DGKI: variants seen among roughly 807,000 people sequenced by gnomAD.
The protein encoded by DGKI is DAG kinase iota.
Under a neutral mutation model 147.5 loss-of-function variants are expected in DGKI, and 55 were observed. That is an observed-to-expected ratio of 0.37 (90% CI 0.30 to 0.47). The LOEUF is 0.47. DGKI is among the 20% of genes least tolerant of loss of function. The pLI is 1.00. For synonymous variants in DGKI, 469 were observed against 477.1 expected (o/e 0.98, Z 0.22); for missense variants, 1,007 against 1,323.8 (o/e 0.76, Z 3.71).
At chr7:137,580,282 G>C (rs1044783163) in intron 15 of DGKI, among the ~76,000 whole-genome samples, 1 of 152,048 alleles carries the variant, frequency 6.6e-6, no homozygotes. Context: ...AAAAAATGGG[G>C]TAAGAAATGA....
rs894950578 is a variant in DGKI at position 137,663,805 on chromosome 7, C to T, written c.607-7265G>A. 9.9e-5 allele frequency among the ~76,000 whole-genome samples: 15 copies of T among 152,022 alleles called. No homozygotes were observed. In the South Asian group the frequency reaches 1.5e-3, roughly 15 times the overall value. ...GAGATTTCTCTGTGTGTTTCCATGC[C>T]GCTATATTCCAGCACTGAGAACCAA... is the stretch of plus-strand genomic sequence containing the variant. On this transcript the variant is annotated intron_variant, in intron 3 of 32. Transcript: ENST00000614521.
At chr7:137,606,719 C>A (rs578246136) in intron 10 of DGKI, among the ~76,000 whole-genome samples, 1 of 152,306 alleles carries the variant, frequency 6.6e-6, no homozygotes, top group African/African-American at 2.4e-5. Context: ...AATCCAAAGT[C>A]TTCAACCTGA....
chr7:137,638,621 C>T (rs28603140), intron 6 of DGKI, among the ~76,000 whole-genome samples: 67 of 758 alleles, frequency 0.088, 5 homozygotes, highest in African/African-American at 0.14. Flanking sequence ...TACACACACA[C>T]ATATATATGT....
At chr7:137,831,497 A>T (rs2117071918) in intron 1 of DGKI, among the ~76,000 whole-genome samples, 1 of 152,344 alleles carries the variant, frequency 6.6e-6, no homozygotes, top group East Asian at 1.9e-4. Flanking sequence ...ACTCCCCCTT[A>T]TAAAACCATC....
At chr7:137,627,406 T>C (rs1032909442) in intron 6 of DGKI, among the ~76,000 whole-genome samples, 2 of 152,250 alleles carry the variant, frequency 1.3e-5, no homozygotes, top group African/African-American at 4.8e-5. Context: ...TTGAACATCA[T>C]AGGCATGCCA....
At chr7:137,607,781 G>A (rs1820231869) in intron 10 of DGKI, among the ~76,000 whole-genome samples, 1 of 152,030 alleles carries the variant, frequency 6.6e-6, no homozygotes, top group African/African-American at 2.4e-5. Context: ...CCATGTCTAG[G>A]TCCTCCTCTA....
chr7:137,586,518 A>G (rs1819404701), intron 13 of DGKI, among the ~76,000 whole-genome samples: 2 of 152,114 alleles, frequency 1.3e-5, no homozygotes, highest in Admixed American at 1.3e-4. Flanking sequence ...CCTTCTTACT[A>G]TCTTAGTACT....
At chr7:137,544,124 G>A (rs910281472) in intron 20 of DGKI, among the ~76,000 whole-genome samples, 6 of 152,110 alleles carry the variant, frequency 3.9e-5, no homozygotes, top group Non-Finnish European at 8.8e-5. Flanking sequence ...TTACTTTACT[G>A]TATGTAGCAC....
intron 21 of DGKI, among the ~76,000 whole-genome samples, chr7:137,514,219 G>C (rs182080897): frequency 9.9e-5 from 15 of 151,876 alleles, no homozygotes; most frequent in Non-Finnish European, 2.2e-4. Flanking sequence ...CACCTCTTCC[G>C]CGGTTTTAGC....
rs1420999328 is a variant in DGKI at position 137,472,359 on chromosome 7, TATAC to T, written c.2374-2744_2374-2741del. On this transcript the variant is annotated intron_variant, in intron 23 of 32. Coordinates refer to ENST00000614521, the MANE Select transcript of DGKI (RefSeq NM_001321708.2). ...TATACATATAATTATTATATGTATATATACATATAATTATTATATGTATATATAC... is the reference window on the plus strand; with the variant it reads ...TATACATATAATTATTATATGTATATATATAATTATTATATGTATATATAC... Among the ~76,000 whole-genome samples, 28 of 118,862 alleles carry T rather than the reference TATAC, an allele frequency of 2.4e-4. 4 individuals are homozygous for T. The highest frequency in any genetic ancestry group is 1.0e-3 in the African/African-American group (26 of 26,000). The allele number at this position is 118,862 out of a possible 152,430, so 78.0% of individuals were successfully genotyped here.
chr7:137,505,686 T>C (rs549684753), intron 21 of DGKI, among the ~76,000 whole-genome samples: 1 of 123,372 alleles, frequency 8.1e-6, no homozygotes, highest in East Asian at 2.4e-4. Flanking sequence ...TCTAGGAGCC[T>C]ACAACAAAGA....
chr7:137,666,048 T>C (rs953262155), intron 3 of DGKI, among the ~76,000 whole-genome samples: 1 of 152,230 alleles, frequency 6.6e-6, no homozygotes, highest in African/African-American at 2.4e-5. Flanking sequence ...AGCACTGGAT[T>C]AAGTTTGGTA....
At chr7:137,619,791 C>T (rs1202763068) in intron 8 of DGKI, 33 bp downstream of exon 8, 2 of 1,545,230 alleles carry the variant, frequency 1.3e-6, no homozygotes, top group South Asian at 1.1e-5. Flanking sequence ...TTTCTCTGCA[C>T]TGGCCCAGCA....
At chr7:137,594,133 A>G (rs1400257368) in intron 12 of DGKI, among the ~76,000 whole-genome samples, 1 of 152,144 alleles carries the variant, frequency 6.6e-6, no homozygotes, top group Non-Finnish European at 1.5e-5. Flanking sequence ...TGCCACCTCC[A>G]CCTTCTGGGT....
chr7:137,587,852 CTATTA>C (rs1393034612), intron 12 of DGKI, among the ~76,000 whole-genome samples: 1 of 152,074 alleles, frequency 6.6e-6, no homozygotes, highest in East Asian at 1.9e-4. Context: ...GACCTAGTAC[CTATTA>C]TAAGTTTAGG....
intron 28 of DGKI, among the ~76,000 whole-genome samples, chr7:137,414,124 A>G (rs1452645304): frequency 1.3e-5 from 2 of 152,202 alleles, no homozygotes; most frequent in Non-Finnish European, 2.9e-5. Flanking sequence ...CCCAGCTGTC[A>G]CTGAGCAAAA....
At chr7:137,722,404 C>T in intron 1 of DGKI, 1 of 1,612,474 alleles carries the variant, frequency 6.2e-7, no homozygotes. Context: ...CGTGAGAAAA[C>T]TGCGAGCCAG....
At chr7:137,506,640 C>T (rs1175449568) in intron 21 of DGKI, among the ~76,000 whole-genome samples, 1 of 152,032 alleles carries the variant, frequency 6.6e-6, no homozygotes, top group Non-Finnish European at 1.5e-5. Context: ...TCAATAGTAA[C>T]AAATGAACCA....
chr7:137,724,770 G>T (rs1159716501), intron 1 of DGKI, among the ~76,000 whole-genome samples: 4 of 152,206 alleles, frequency 2.6e-5, no homozygotes, highest in Admixed American at 1.3e-4. Context: ...TCAAGTAGGA[G>T]GTGTGGAGTG....
Sources: gnomAD v4.1 joint callset for allele counts (sites outside exome capture counted in the v4.1 genomes callset) on GRCh38, gnomAD v4.1.1 for gene constraint, MANE v1.5 for transcripts, NCBI Gene and HGNC (gene_info 2026-07-23, HGNC 2026-07-21) for gene names.